Variants in DENND4A observed in about 807,000 individuals in gnomAD.
The protein encoded by DENND4A is C-myc promoter-binding protein.
DENND4A carries 70 observed loss-of-function variants against 199.3 expected under a neutral mutation model. The observed-to-expected ratio is 0.35, with a 90% CI of 0.29 to 0.43. The LOEUF is 0.43. DENND4A is among the 20% of genes least tolerant of loss of function. The probability of loss-of-function intolerance (pLI) is 1.00; values close to 1 mark genes in which losing one functional copy is unlikely to be tolerated. For missense variants in DENND4A, 1,723 were observed against 2,255.8 expected, an observed-to-expected ratio of 0.76 and a Z score of 4.78; for synonymous variants, 686 against 766.9, an observed-to-expected ratio of 0.89 and a Z score of 1.74.
At chr15:65,699,638 C>A (rs1017063475) in intron 20 of DENND4A, among the ~76,000 whole-genome samples, 2 of 148,330 alleles carry the variant, frequency 1.3e-5, no homozygotes, top group African/African-American at 4.9e-5. Flanking sequence ...TATACTACTA[C>A]ACATACATAT....
chr15:65,718,166 T>A (rs80090060), intron 12 of DENND4A, among the ~76,000 whole-genome samples, 170 bp from the exon 13 acceptor site: 1 of 152,112 alleles, frequency 6.6e-6, no homozygotes, highest in Non-Finnish European at 1.5e-5. Context: ...TTTTGTAGTC[T>A]CCGTTGAGTA....
intron 1 of DENND4A, among the ~76,000 whole-genome samples, chr15:65,785,870 A>C (rs1021942051): frequency 5.3e-5 from 8 of 152,164 alleles, no homozygotes; most frequent in African/African-American, 1.7e-4. Flanking sequence ...GGAAACTTCA[A>C]AAGCCAAATA....
Position 65,774,927 on chromosome 15 carries a change from A to G in DENND4A, c.-101-13489T>C, listed in dbSNP as rs1246315647. On this transcript the variant is annotated intron_variant, in intron 1 of 32. Coordinates refer to ENST00000443035, the MANE Select transcript of DENND4A (RefSeq NM_001320835.1). ...CACTCTGTTACCCAGGCTGGAATGCAGTGGCACAATTATAGCTCACCTTAA... is the reference window on the plus strand; with the variant it reads ...CACTCTGTTACCCAGGCTGGAATGCGGTGGCACAATTATAGCTCACCTTAA... 2.8e-5 allele frequency among the ~76,000 whole-genome samples: 4 copies of G among 144,418 alleles called. No homozygotes were observed. The East Asian group carries it at 8.2e-4, about 30-fold the overall frequency. The allele number at this position is 144,418 out of a possible 152,430, so 94.7% of individuals were successfully genotyped here. A position where few individuals can be genotyped will look rare whatever the true frequency, so the allele number is the denominator to read the frequency against.
chr15:65,772,391 G>A (rs1443165682), intron 1 of DENND4A, among the ~76,000 whole-genome samples: 2 of 151,888 alleles, frequency 1.3e-5, no homozygotes, highest in East Asian at 1.9e-4. Context: ...CTGGATGTCC[G>A]AACCAATCAT....
chr15:65,772,184 C>A (rs890640521), intron 1 of DENND4A: 2 of 665,830 alleles, frequency 3.0e-6, no homozygotes, highest in Non-Finnish European at 2.7e-6. Context: ...TTAGCAACAC[C>A]ATTATCACTT....
At chr15:65,780,828 A>C (rs1027116773) in intron 1 of DENND4A, among the ~76,000 whole-genome samples, 3 of 152,218 alleles carry the variant, frequency 2.0e-5, no homozygotes, top group African/African-American at 7.2e-5. Flanking sequence ...ACACAGTCAA[A>C]CAGCAAAGTC....
Position 65,674,802 on chromosome 15 carries a change from CTTACT to C in DENND4A, c.4369+1638_4369+1642del, listed in dbSNP as rs2076324212. ...TTTAAAATAGATAACATAAAAGTCT[CTTACT>C]TTAGAGATACATATTGAAGTTTATG... On this transcript the variant is annotated intron_variant, in intron 24 of 32. Coordinates refer to ENST00000443035, the MANE Select transcript of DENND4A (RefSeq NM_001320835.1). Among the ~76,000 whole-genome samples the C allele has an allele frequency of 2.0e-5, 3 of 150,684 alleles. No homozygotes were observed. The South Asian group carries it at 6.3e-4, about 31-fold the overall frequency.
intron 32 of DENND4A, among the ~76,000 whole-genome samples, chr15:65,662,190 C>A (rs149338708): frequency 6.6e-6 from 1 of 152,060 alleles, no homozygotes; most frequent in South Asian, 2.1e-4. Flanking sequence ...TTAATTTTAC[C>A]AGGTACAGAT....
At position 65,671,821 on chromosome 15, in the gene DENND4A, T is replaced by C; in HGVS notation, c.4435A>G (p.Thr1479Ala). The change falls in exon 25 of 33, where the codon ACA (threonine) becomes GCA (alanine). Residue 1479 changes from threonine (T) to alanine (A), a missense_variant. Coordinates refer to ENST00000443035, the MANE Select transcript of DENND4A (RefSeq NM_001320835.1). The part of the protein sequence containing the change: ...EVTSSFNASN[T>A]NIFQNYAMEV... ...ATTGCATAGTTCTGGAAGATATTTG[T>C]ATTACTCGCGTTGAAGGAAGATGTC... 6.2e-7 allele frequency: 1 copy of C among 1,611,792 alleles called. No homozygotes were observed. Among genetic ancestry groups the C allele is most frequent in the African/African-American group, 1.3e-5 (1 of 75,026 alleles).
intron 23 of DENND4A, among the ~76,000 whole-genome samples, chr15:65,684,531 A>G (rs1055895223): frequency 2.6e-5 from 4 of 152,106 alleles, no homozygotes; most frequent in African/African-American, 7.2e-5. Context: ...TGAAATATCT[A>G]TTTAGATCTA....
At chr15:65,704,725 G>A (rs1478948117) in intron 15 of DENND4A, among the ~76,000 whole-genome samples, 2 of 151,980 alleles carry the variant, frequency 1.3e-5, no homozygotes, top group African/African-American at 4.8e-5. Flanking sequence ...CAAGCAGCTG[G>A]GATTACAGGC....
chr15:65,715,422 C>T (rs577881878), intron 14 of DENND4A, 56 bp downstream of exon 14: 1 of 1,481,390 alleles, frequency 6.8e-7, no homozygotes, highest in East Asian at 2.4e-5. Context: ...TAACTCATAA[C>T]ATTTATAACA....
At position 65,660,144 on chromosome 15, in the gene DENND4A, A is replaced by G. The variant is rs1008503296; in HGVS notation, c.*1707T>C. On this transcript the variant is annotated 3_prime_UTR_variant, in exon 33 of 33. Coordinates refer to ENST00000443035, the MANE Select transcript of DENND4A (RefSeq NM_001320835.1). The stretch of plus-strand genomic sequence containing the variant: ...AACATGAAGCTTGGATCTGAATAGT[A>G]AAGAATAATATTGGAGTGGTATTTA... 1.6e-6 allele frequency: 1 copy of G among 616,114 alleles called. No homozygotes were observed. The highest frequency in any genetic ancestry group is 2.0e-5 in the South Asian group (1 of 50,466). The allele number at this position is 616,114 out of a possible 1,614,324, so 38.2% of individuals were successfully genotyped here.
At chr15:65,664,835 G>A (rs1438251209) in intron 30 of DENND4A, 113 bp from the exon 31 acceptor site, 4 of 886,996 alleles carry the variant, frequency 4.5e-6, no homozygotes, top group East Asian at 5.5e-5. Flanking sequence ...TAAATTAAGG[G>A]CAATAGATAA....
chr15:65,743,378 G>C (rs2076308074), intron 4 of DENND4A, among the ~76,000 whole-genome samples: 1 of 151,984 alleles, frequency 6.6e-6, no homozygotes, highest in Non-Finnish European at 1.5e-5. Flanking sequence ...GAGGCCTTTT[G>C]CACAGACTGT....
At chr15:65,664,179 C>T (rs2075965295) in intron 32 of DENND4A, 151 bp downstream of exon 32, 1 of 512,072 alleles carries the variant, frequency 2.0e-6, no homozygotes, top group African/African-American at 2.0e-5. Flanking sequence ...TCCCTATTCA[C>T]CCCACCTCTT....
intron 17 of DENND4A, among the ~76,000 whole-genome samples, chr15:65,702,091 T>C (rs948719551): frequency 1.3e-5 from 2 of 152,052 alleles, no homozygotes; most frequent in African/African-American, 4.8e-5. Flanking sequence ...AGTGAGACTC[T>C]GTCTCTACAA....
chr15:65,752,385 G>A lies in DENND4A; in HGVS notation c.555C>T (p.Asn185=). 6.7e-7 allele frequency: 1 copy of A among 1,482,878 alleles called. No individual in the cohort carries two copies. Among genetic ancestry groups the A allele is most frequent in the East Asian group, 2.8e-5 (1 of 35,548 alleles). 91.9% of individuals were successfully genotyped at this position (1,482,878 alleles called of 1,614,324 possible). ...GTGCAAGTAAGTCACTTACCATACT[G>A]TTATTGAGATTCTTGTCGACTTTGC... ...TFCKVDKNLN[N]SMWGSAVYLC... is the part of the protein sequence containing the mutation. Residue 185 remains asparagine (N), a synonymous_variant, in exon 4 of 33, where the codon AAC becomes AAT. Coordinates refer to ENST00000443035, the MANE Select transcript of DENND4A (RefSeq NM_001320835.1).
At chr15:65,688,601 C>G (rs944878963) in intron 23 of DENND4A, among the ~76,000 whole-genome samples, 1 of 152,196 alleles carries the variant, frequency 6.6e-6, no homozygotes, top group Non-Finnish European at 1.5e-5. Context: ...CAGTTTGCAT[C>G]TGTCCCATAA....
Sources: allele counts gnomAD v4.1 joint callset (sites outside exome capture counted in the v4.1 genomes callset), GRCh38; gene constraint gnomAD v4.1.1; transcripts MANE v1.5; gene names NCBI Gene and HGNC (gene_info 2026-07-23, HGNC 2026-07-21).